Variants in CDH13 observed in about 807,000 individuals in gnomAD.
CDH13 encodes the protein cadherin 13.
A neutral mutation model predicts 63.8 loss-of-function variants in CDH13; 24 were observed. The observed-to-expected ratio is 0.38, with a 90% confidence interval of 0.27 to 0.53. CDH13 has a LOEUF of 0.53. Among genes scored for constraint, CDH13 ranks in the 20% least tolerant of loss-of-function variants. The pLI, the probability that CDH13 is intolerant of heterozygous loss-of-function variation, is 0.85. For synonymous variants in CDH13, 503 were observed against 355.3 expected (o/e 1.42, Z -4.67); for missense variants, 1,049 against 903.1 (o/e 1.16, Z -2.07).
At chr16:83,118,271 G>T (rs2035403359) in intron 3 of CDH13, among the ~76,000 whole-genome samples, 1 of 152,186 alleles carries the variant, frequency 6.6e-6, no homozygotes, top group Admixed American at 6.5e-5. Flanking sequence ...AGGGGATTGT[G>T]TTCAGCACAC....
chr16:83,357,559 G>A (rs1013030331), intron 6 of CDH13, among the ~76,000 whole-genome samples: 4 of 152,146 alleles, frequency 2.6e-5, no homozygotes, highest in Non-Finnish European at 2.9e-5. Context: ...TGGAGCAGTG[G>A]TCCAAGTTTG....
intron 3 of CDH13, among the ~76,000 whole-genome samples, chr16:83,035,796 G>A (rs558442731): frequency 8.5e-5 from 13 of 152,170 alleles, no homozygotes; most frequent in South Asian, 2.1e-4. Flanking sequence ...TGATTTTTTC[G>A]TCTGTAACAT....
intron 4 of CDH13, among the ~76,000 whole-genome samples, chr16:83,186,155 A>C (rs1348064738): frequency 7.1e-6 from 1 of 141,064 alleles, no homozygotes; most frequent in Non-Finnish European, 1.5e-5. Context: ...ATTTTATTTG[A>C]GACAGAATCT....
intron 1 of CDH13, among the ~76,000 whole-genome samples, chr16:82,779,851 C>G (rs1029593420): frequency 7.3e-6 from 1 of 137,930 alleles, no homozygotes; most frequent in African/African-American, 2.5e-5. Flanking sequence ...GAGGTCATGG[C>G]TCTCATAGTA....
chr16:83,110,539 T>G (rs956701550), intron 3 of CDH13, among the ~76,000 whole-genome samples: 12 of 152,176 alleles, frequency 7.9e-5, no homozygotes, highest in Non-Finnish European at 1.6e-4. Flanking sequence ...AGAGGTGTAG[T>G]GAAGGCAGCA....
At chr16:82,871,772 C>A (rs2040349381) in intron 2 of CDH13, among the ~76,000 whole-genome samples, 1 of 152,162 alleles carries the variant, frequency 6.6e-6, no homozygotes, top group South Asian at 2.1e-4. Context: ...ATGATATCCT[C>A]AATATCACCC....
intron 1 of CDH13, among the ~76,000 whole-genome samples, chr16:82,627,475 C>A (rs918222293): frequency 2.0e-5 from 3 of 151,976 alleles, no homozygotes; most frequent in African/African-American, 7.2e-5. Context: ...ACTTTGGTTC[C>A]CTCCTCCGGA....
chr16:82,902,068 A>C (rs1412990748), intron 2 of CDH13, among the ~76,000 whole-genome samples: 1 of 152,172 alleles, frequency 6.6e-6, no homozygotes, highest in Non-Finnish European at 1.5e-5. Flanking sequence ...TCATTTCAAA[A>C]CTTGGGCTGT....
intron 4 of CDH13, among the ~76,000 whole-genome samples, chr16:83,181,999 C>T (rs1302937658): frequency 3.3e-5 from 5 of 152,158 alleles, no homozygotes; most frequent in East Asian, 1.9e-4. Flanking sequence ...CCCCTCCAAG[C>T]GTGCTCTACC....
intron 3 of CDH13, among the ~76,000 whole-genome samples, chr16:83,116,562 G>A (rs971216219): frequency 7.2e-5 from 11 of 152,184 alleles, no homozygotes; most frequent in African/African-American, 1.9e-4. Context: ...GGGACATATC[G>A]CATGGTTTCT....
intron 1 of CDH13, among the ~76,000 whole-genome samples, chr16:82,675,864 C>T (rs2150952430): frequency 6.6e-6 from 1 of 152,302 alleles, no homozygotes; most frequent in African/African-American, 2.4e-5. Context: ...ATGGGTATTG[C>T]TCTTTCCGCG....
intron 5 of CDH13, among the ~76,000 whole-genome samples, chr16:83,230,336 A>G (rs983788067): frequency 6.6e-6 from 1 of 152,122 alleles, no homozygotes; most frequent in Non-Finnish European, 1.5e-5. Flanking sequence ...TAACCCGGGA[A>G]AGCAGGCACA....
intron 3 of CDH13, among the ~76,000 whole-genome samples, chr16:83,110,371 A>G (rs2034998722): frequency 6.6e-6 from 1 of 152,214 alleles, no homozygotes; most frequent in South Asian, 2.1e-4. Flanking sequence ...GTCACTTGGT[A>G]GGTGACAATC....
chr16:82,879,033 A>G (rs2040600973), intron 2 of CDH13, among the ~76,000 whole-genome samples: 1 of 152,032 alleles, frequency 6.6e-6, no homozygotes. Flanking sequence ...CATGATGTAT[A>G]TTTCCAATGT....
At chr16:83,790,434 G>A (rs565482001) in intron 13 of CDH13, among the ~76,000 whole-genome samples, 145 of 152,050 alleles carry the variant, frequency 9.5e-4, no homozygotes, top group African/African-American at 3.4e-3. Context: ...GAGTCTTGCT[G>A]TGTCACCCAG....
At chr16:83,778,916 G>A (rs554250834) in intron 11 of CDH13, among the ~76,000 whole-genome samples, 22 of 152,154 alleles carry the variant, frequency 1.4e-4, no homozygotes, top group Non-Finnish European at 2.1e-4. Context: ...CATCTCTCAC[G>A]GAGACTCCGT....
chr16:83,695,131 C>T (rs1000541519), intron 10 of CDH13, among the ~76,000 whole-genome samples: 6 of 152,208 alleles, frequency 3.9e-5, no homozygotes, highest in South Asian at 4.1e-4. Flanking sequence ...CGCTTGAATC[C>T]GGGAGGTGGA....
In CDH13 at chr16:82,964,390, T is replaced by A. The variant is rs183700308; in HGVS notation, c.158-67620T>A. 1.7e-4 allele frequency among the ~76,000 whole-genome samples: 26 copies of A among 152,338 alleles called. No individual in the cohort carries two copies. The East Asian group carries it at 3.9e-3, about 23-fold the overall frequency. On this transcript the variant is annotated intron_variant, in intron 2 of 13. Transcript: ENST00000567109. Reference sequence around the variant, plus strand: ...CACCAATGTACTTCGGTGATAACAGTTGGGGATTCTGTGACAGCAGGTAGC... The same window carrying A: ...CACCAATGTACTTCGGTGATAACAGATGGGGATTCTGTGACAGCAGGTAGC...
chr16:83,662,382 G>C (rs1913516265), intron 8 of CDH13, among the ~76,000 whole-genome samples: 1 of 152,196 alleles, frequency 6.6e-6, no homozygotes, highest in Admixed American at 6.5e-5. Context: ...TGGCACAAAA[G>C]AGAAACACAA....
Sources: gnomAD v4.1 joint callset for allele counts (sites outside exome capture counted in the v4.1 genomes callset) on GRCh38, gnomAD v4.1.1 for gene constraint, MANE v1.5 for transcripts, NCBI Gene and HGNC (gene_info 2026-07-23, HGNC 2026-07-21) for gene names.